The following ST18 variants were observed in gnomAD, a reference collection of about 807,000 sequenced individuals.
ST18 encodes the protein suppression of tumorigenicity 18 protein.
ST18 carries 50 observed loss-of-function variants against 110.0 expected under a neutral mutation model. The ratio of observed to expected loss-of-function variants is 0.45; its 90% CI spans 0.36 to 0.58. The LOEUF (loss-of-function observed/expected upper bound fraction) is 0.58. Ranked by LOEUF, ST18 falls within the 20% of genes least tolerant of loss-of-function variation. The probability of loss-of-function intolerance (pLI) is 0.00; values close to 1 mark genes in which losing one functional copy is unlikely to be tolerated. For synonymous variants in ST18, 461 were observed against 452.4 expected (o/e 1.02, Z -0.24); for missense variants, 1,306 against 1,280.1 (o/e 1.02, Z -0.31).
intron 2 of ST18, among the ~76,000 whole-genome samples, chr8:52,261,685 C>G (rs554217814): frequency 1.3e-5 from 2 of 152,260 alleles, no homozygotes; most frequent in Admixed American, 1.3e-4. Flanking sequence ...TCCCACAGCT[C>G]CCCACATCCC....
chr8:52,320,486 A>G (rs1237771604), intron 2 of ST18, among the ~76,000 whole-genome samples: 1 of 152,252 alleles, frequency 6.6e-6, no homozygotes, highest in African/African-American at 2.4e-5. Flanking sequence ...ATTCTTTTTC[A>G]GTATTTATAA....
intron 15 of ST18, among the ~76,000 whole-genome samples, chr8:52,151,399 C>T (rs539104306): frequency 3.4e-4 from 52 of 152,282 alleles, no homozygotes; most frequent in African/African-American, 1.2e-3. Context: ...TACTAAGATG[C>T]TTTGGCCGTA....
At chr8:52,263,459 C>T (rs1285350555) in intron 2 of ST18, among the ~76,000 whole-genome samples, 1 of 152,190 alleles carries the variant, frequency 6.6e-6, no homozygotes, top group African/African-American at 2.4e-5. Context: ...CTGTGGAGGA[C>T]ATCAATTCTA....
At chr8:52,375,383 C>T (rs1831925793) in intron 2 of ST18, among the ~76,000 whole-genome samples, 1 of 152,114 alleles carries the variant, frequency 6.6e-6, no homozygotes. Flanking sequence ...GCAGGGCCCC[C>T]AAAAACCTTG....
intron 2 of ST18, among the ~76,000 whole-genome samples, chr8:52,327,879 T>C (rs925203123): frequency 1.3e-5 from 2 of 152,324 alleles, no homozygotes; most frequent in Admixed American, 6.5e-5. Flanking sequence ...GCTCCTGAAA[T>C]GCTTCCACAG....
intron 2 of ST18, among the ~76,000 whole-genome samples, chr8:52,353,803 A>T: frequency 6.6e-6 from 1 of 152,200 alleles, no homozygotes; most frequent in Non-Finnish European, 1.5e-5. Context: ...GTGAATGTCA[A>T]TTTCTGCCTC....
chr8:52,143,077 A>C (rs766114926), intron 16 of ST18, 32 bp from the exon 17 acceptor site: 2 of 1,390,800 alleles, frequency 1.4e-6, no homozygotes, highest in Admixed American at 3.4e-5. Flanking sequence ...AACAAAACAC[A>C]GAAGCCATTA....
chr8:52,131,766 T>C (rs2049694254), intron 22 of ST18, among the ~76,000 whole-genome samples, 192 bp downstream of exon 22: 2 of 152,170 alleles, frequency 1.3e-5, no homozygotes, highest in Non-Finnish European at 1.5e-5. Context: ...GTAGTAATTT[T>C]AAGAAATAGA....
chr8:52,214,066 T>C, intron 7 of ST18, 137 bp downstream of exon 7: 2 of 862,754 alleles, frequency 2.3e-6, no homozygotes, highest in Middle Eastern at 2.3e-4. Context: ...CAAGAGCCAG[T>C]GTCCTGGCTT....
chr8:52,218,490 C>T (rs991617056), intron 5 of ST18, among the ~76,000 whole-genome samples: 2 of 149,920 alleles, frequency 1.3e-5, no homozygotes, highest in South Asian at 2.1e-4. Context: ...CGGGTTCAAG[C>T]GGTTCTCCTG....
At chr8:52,394,644 G>A (rs1167379885) in intron 2 of ST18, among the ~76,000 whole-genome samples, 1 of 152,176 alleles carries the variant, frequency 6.6e-6, no homozygotes, top group South Asian at 2.1e-4. Context: ...GTGTGGGAAG[G>A]GAAGTTATAA....
At chr8:52,164,610 C>T (rs577523392) in intron 12 of ST18, among the ~76,000 whole-genome samples, 4 of 152,328 alleles carry the variant, frequency 2.6e-5, no homozygotes, top group African/African-American at 9.6e-5. Context: ...TCAGCATTTT[C>T]ACCCCAAATA....
At chr8:52,304,806 G>A (rs377303486) in intron 2 of ST18, among the ~76,000 whole-genome samples, 23 of 152,234 alleles carry the variant, frequency 1.5e-4, no homozygotes, top group African/African-American at 4.8e-4. Context: ...GTTCCTAGAC[G>A]TCCATCTTCT....
Position 52,142,930 on chromosome 8 carries a change from G to T in ST18, c.2168C>A (p.Thr723Asn). 1.2e-6 allele frequency: 2 copies of T among 1,607,166 alleles called. No homozygotes were observed. The highest frequency in any genetic ancestry group is 1.7e-6 in the Non-Finnish European group (2 of 1,173,754). The part of the protein sequence containing the change: ...HARDLKKELI[T>N]CPTPGCDGSG... Reference sequence around the variant, plus strand: ...GGGCATGGCATTGGGCACCACTTACGTGATTAGTTCCTTTTTGAGATCTCT... The same window carrying T: ...GGGCATGGCATTGGGCACCACTTACTTGATTAGTTCCTTTTTGAGATCTCT... Residue 723 changes from threonine to asparagine, a missense_variant and splice_region_variant, in exon 17 of 26, where the codon ACC (threonine) becomes AAC (asparagine). By Grantham distance (65) the Thr-to-Asn change is moderately conservative. Transcript: ENST00000689386.
At chr8:52,174,682 ATTGT>A (rs1185860971) in intron 9 of ST18, among the ~76,000 whole-genome samples, 1 of 152,188 alleles carries the variant, frequency 6.6e-6, no homozygotes, top group Non-Finnish European at 1.5e-5. Flanking sequence ...AGTTTACATA[ATTGT>A]TTGGTTCAAC....
chr8:52,142,228 G>A (rs1487970385), intron 17 of ST18, among the ~76,000 whole-genome samples: 1 of 152,128 alleles, frequency 6.6e-6, no homozygotes, highest in Non-Finnish European at 1.5e-5. Flanking sequence ...ACGTTCAGCT[G>A]GAAAAGGAAG....
At chr8:52,137,251 G>T (rs576002821) in intron 18 of ST18, among the ~76,000 whole-genome samples, 170 bp downstream of exon 18, 3 of 152,100 alleles carry the variant, frequency 2.0e-5, no homozygotes, top group African/African-American at 4.8e-5. Flanking sequence ...TTTTGACCAA[G>T]AATCATGATT....
chr8:52,260,701 T>G (rs1185866053), intron 2 of ST18, among the ~76,000 whole-genome samples: 1 of 152,200 alleles, frequency 6.6e-6, no homozygotes, highest in Non-Finnish European at 1.5e-5. Flanking sequence ...ACTTCCTTCT[T>G]CTATACACAT....
At chr8:52,214,312 G>T in intron 6 of ST18, 55 bp from the exon 7 acceptor site, 1 of 1,577,350 alleles carries the variant, frequency 6.3e-7, no homozygotes, top group Non-Finnish European at 8.7e-7. Context: ...ACCAAAATAT[G>T]AAAACATGTA....
Sources: allele counts gnomAD v4.1 joint callset (sites outside exome capture counted in the v4.1 genomes callset), GRCh38; gene constraint gnomAD v4.1.1; transcripts MANE v1.5; gene names NCBI Gene and HGNC (gene_info 2026-07-23, HGNC 2026-07-21).